Variants in ZMAT4 observed in about 807,000 individuals in gnomAD.
The protein encoded by ZMAT4 is zinc finger matrin-type protein 4.
A neutral mutation model predicts 28.7 loss-of-function variants in ZMAT4; 17 were observed. That is an observed-to-expected ratio of 0.59 (90% CI 0.41 to 0.89). ZMAT4 has a LOEUF of 0.89. Ranked by LOEUF, ZMAT4 falls within the 40% of genes least tolerant of loss-of-function variation. The probability of loss-of-function intolerance (pLI) is 0.00; values close to 1 mark genes in which losing one functional copy is unlikely to be tolerated. For synonymous variants in ZMAT4, 117 were observed against 109.2 expected, an observed-to-expected ratio of 1.07 and a Z score of -0.44; for missense variants, 240 against 283.8, an observed-to-expected ratio of 0.85 and a Z score of 1.11.
intron 5 of ZMAT4, among the ~76,000 whole-genome samples, chr8:40,587,089 G>A (rs1380226055): frequency 6.7e-6 from 1 of 150,272 alleles, no homozygotes; most frequent in East Asian, 2.0e-4. Context: ...GGCCTGAACT[G>A]CTCAAGGAAC....
intron 3 of ZMAT4, among the ~76,000 whole-genome samples, chr8:40,699,361 C>A (rs959587882): frequency 6.6e-6 from 1 of 152,022 alleles, no homozygotes; most frequent in African/African-American, 2.4e-5. Flanking sequence ...TTTTGTGACA[C>A]AGATATATTG....
At chr8:40,766,041 A>C (rs1180380488) in intron 3 of ZMAT4, among the ~76,000 whole-genome samples, 1 of 152,156 alleles carries the variant, frequency 6.6e-6, no homozygotes, top group African/African-American at 2.4e-5. Context: ...TCTGAGAGGA[A>C]TGTGCCTACG....
At chr8:40,747,774 T>G (rs1257225906) in intron 3 of ZMAT4, among the ~76,000 whole-genome samples, 1 of 152,170 alleles carries the variant, frequency 6.6e-6, no homozygotes, top group South Asian at 2.1e-4. Context: ...CCAAACAAAC[T>G]AATTTGTTAA....
chr8:40,880,966 A>T (rs1818201216), intron 1 of ZMAT4, among the ~76,000 whole-genome samples: 2 of 152,142 alleles, frequency 1.3e-5, no homozygotes, highest in Non-Finnish European at 2.9e-5. Context: ...TCCCCACACC[A>T]TTAAGTATGA....
intron 2 of ZMAT4, among the ~76,000 whole-genome samples, chr8:40,813,672 A>C (rs1815418544): frequency 6.6e-6 from 1 of 152,264 alleles, no homozygotes; most frequent in African/African-American, 2.4e-5. Flanking sequence ...GTCAGACAAA[A>C]GGTATTACCT....
At chr8:40,811,405 A>T (rs1330009069) in intron 2 of ZMAT4, among the ~76,000 whole-genome samples, 1 of 152,210 alleles carries the variant, frequency 6.6e-6, no homozygotes. Context: ...GGCAAATGTC[A>T]CAGCCTGTAA....
chr8:40,647,274 G>A (rs949801463), intron 5 of ZMAT4, among the ~76,000 whole-genome samples: 8 of 152,202 alleles, frequency 5.3e-5, no homozygotes, highest in African/African-American at 1.9e-4. Flanking sequence ...AAGCGCAAAG[G>A]GTCAGGGAGT....
chr8:40,784,226 T>A (rs1813967652), intron 2 of ZMAT4, among the ~76,000 whole-genome samples: 1 of 152,164 alleles, frequency 6.6e-6, no homozygotes, highest in Admixed American at 6.5e-5. Context: ...TAATATATCA[T>A]GATCAATCAT....
intron 5 of ZMAT4, among the ~76,000 whole-genome samples, chr8:40,635,533 G>T (rs1806759265): frequency 1.3e-5 from 2 of 152,122 alleles, no homozygotes; most frequent in South Asian, 4.1e-4. Flanking sequence ...GTTCCAAGAT[G>T]CCCAACCTCT....
intron 3 of ZMAT4, among the ~76,000 whole-genome samples, chr8:40,715,863 C>A (rs1487676247): frequency 1.3e-5 from 2 of 152,232 alleles, no homozygotes; most frequent in Non-Finnish European, 2.9e-5. Context: ...AAACAACCTG[C>A]AACCCTGACA....
chr8:40,558,999 C>T (rs1302538331), intron 6 of ZMAT4, among the ~76,000 whole-genome samples: 1 of 152,162 alleles, frequency 6.6e-6, no homozygotes, highest in Non-Finnish European at 1.5e-5. Flanking sequence ...CGCACCCCTG[C>T]ACTTAAAGAA....
chr8:40,580,708 T>C (rs1166730116), intron 6 of ZMAT4, among the ~76,000 whole-genome samples: 2 of 152,160 alleles, frequency 1.3e-5, no homozygotes, highest in Non-Finnish European at 2.9e-5. Flanking sequence ...TCATTGTATA[T>C]AAATGTCATT....
At chr8:40,578,966 GTGCTGGCTCTGCCATC>G (rs1317232925) in intron 6 of ZMAT4, among the ~76,000 whole-genome samples, 5 of 152,194 alleles carry the variant, frequency 3.3e-5, no homozygotes, top group Non-Finnish European at 7.3e-5. Context: ...ACTGTGATCA[GTGCTGGCTCTGCCATC>G]TGCTTTCAGG....
chr8:40,590,768 C>T (rs10504030), intron 5 of ZMAT4, among the ~76,000 whole-genome samples: 1 of 151,636 alleles, frequency 6.6e-6, no homozygotes, highest in Non-Finnish European at 1.5e-5. Context: ...CATATTGAAC[C>T]TGCTATCAAT....
chr8:40,766,627 G>C (rs138536276), intron 3 of ZMAT4, among the ~76,000 whole-genome samples: 46 of 152,320 alleles, frequency 3.0e-4, no homozygotes, highest in Non-Finnish European at 6.5e-4. Flanking sequence ...CAGTGTTCCA[G>C]ATTAGTCTGT....
chr8:40,702,372 A>G (rs925008996), intron 3 of ZMAT4, among the ~76,000 whole-genome samples: 2 of 152,208 alleles, frequency 1.3e-5, no homozygotes, highest in African/African-American at 4.8e-5. Context: ...TGGCTTAAAG[A>G]TTATCTTTAA....
intron 3 of ZMAT4, among the ~76,000 whole-genome samples, chr8:40,759,873 T>C (rs1812855063): frequency 1.3e-5 from 2 of 152,186 alleles, no homozygotes; most frequent in Admixed American, 1.3e-4. Flanking sequence ...GTGTGGATGA[T>C]CATCTTATTT....
At chr8:40,887,163 TCC>T in intron 1 of ZMAT4, among the ~76,000 whole-genome samples, 1 of 104,664 alleles carries the variant, frequency 9.6e-6, no homozygotes, top group East Asian at 3.2e-4. Flanking sequence ...AGAGCAAGAC[TCC>T]GTCTCAAAAA....
chr8:40,781,784 A>G (rs1340288209), intron 2 of ZMAT4, among the ~76,000 whole-genome samples: 2 of 148,638 alleles, frequency 1.3e-5, no homozygotes, highest in African/African-American at 2.5e-5. Context: ...AAAAAAAAAA[A>G]AAAAAAAGAA....
Sources: allele counts gnomAD v4.1 joint callset (sites outside exome capture counted in the v4.1 genomes callset), GRCh38; gene constraint gnomAD v4.1.1; transcripts MANE v1.5; gene names NCBI Gene and HGNC (gene_info 2026-07-23, HGNC 2026-07-21).